NSD3: variants seen among roughly 807,000 people sequenced by gnomAD.
The protein encoded by NSD3 is nuclear receptor binding SET domain protein 3.
Under a neutral mutation model 160.8 loss-of-function variants are expected in NSD3, and 24 were observed. That is an observed-to-expected ratio of 0.15 (90% CI 0.11 to 0.21). NSD3 has a LOEUF of 0.21. Among genes scored for constraint, NSD3 ranks in the 10% least tolerant of loss-of-function variants. The pLI, the probability that NSD3 is intolerant of heterozygous loss-of-function variation, is 1.00. For synonymous variants in NSD3, 520 were observed against 600.0 expected (o/e 0.87, Z 1.95); for missense variants, 1,157 against 1,735.9 (o/e 0.67, Z 5.93).
At chr8:38,344,649 G>GAAC (rs879853587) in intron 2 of NSD3, among the ~76,000 whole-genome samples, 1 of 151,996 alleles carries the variant, frequency 6.6e-6, no homozygotes, top group Non-Finnish European at 1.5e-5. Flanking sequence ...AGCTTTTAAG[G>GAAC]AACAACAACA....
chr8:38,366,418 CTT>C lies in NSD3; in HGVS notation c.-45+15379_-45+15380del, dbSNP rs374656504. On this transcript the variant is annotated intron_variant, in intron 1 of 23. Transcript: ENST00000317025. ...CAATTATGTTCACATCTACTTAATT[CTT>C]TTTTTTTTTTTTTTGAGATAGAGTC... is the stretch of plus-strand genomic sequence containing the variant. Among the ~76,000 whole-genome samples, 77 of 132,068 alleles carry C rather than the reference CTT, an allele frequency of 5.8e-4. 2 individuals carry two copies. Among genetic ancestry groups the C allele is most frequent in the Middle Eastern group, 4.0e-3 (1 of 250 alleles). 86.6% of individuals were successfully genotyped at this position (132,068 alleles called of 152,430 possible).
rs1334749879 is a variant in NSD3 at position 38,270,939 on chromosome 8, T to C, written c.*4702A>G. The stretch of plus-strand genomic sequence containing the variant: ...AACAAAACAAAAAACAGAAATGTTT[T>C]TTGAAAGACACGGATTACCCACATT... On this transcript the variant is annotated 3_prime_UTR_variant, in exon 24 of 24. Transcript: ENST00000317025. 6.6e-6 allele frequency: 1 copy of C among 152,246 alleles called. No homozygotes were observed. Among genetic ancestry groups the C allele is most frequent in the Non-Finnish European group, 1.5e-5 (1 of 68,040 alleles). The allele number at this position is 152,246 out of a possible 1,614,324, so 9.4% of individuals were successfully genotyped here. A position where few individuals can be genotyped will look rare whatever the true frequency, so the allele number is the denominator to read the frequency against.
intron 1 of NSD3, among the ~76,000 whole-genome samples, chr8:38,378,841 A>T (rs1811468339): frequency 6.6e-6 from 1 of 151,976 alleles, no homozygotes; most frequent in East Asian, 1.9e-4. Context: ...AAAAAAAAAA[A>T]AAAGTACTAA....
intron 22 of NSD3, among the ~76,000 whole-genome samples, 174 bp downstream of exon 22, chr8:38,278,132 G>A (rs1808650543): frequency 6.6e-6 from 1 of 151,964 alleles, no homozygotes; most frequent in Non-Finnish European, 1.5e-5. Flanking sequence ...TAGAGATGGG[G>A]TTTCACCGTG....
rs1314348398 is a variant in NSD3, at chr8:38,319,908, C to A, written c.1810-968G>T. 6.6e-6 allele frequency: 1 copy of A among 152,090 alleles called. No homozygotes were observed. Among genetic ancestry groups the A allele is most frequent in the Non-Finnish European group, 1.5e-5 (1 of 67,994 alleles). 9.4% of individuals were successfully genotyped at this position (152,090 alleles called of 1,614,324 possible). On this transcript the variant is annotated intron_variant, in intron 8 of 23. Coordinates refer to ENST00000317025, the MANE Select transcript of NSD3 (RefSeq NM_023034.2). The surrounding 1 kb of genome is among the most constrained non-coding windows in gnomAD (Gnocchi z 4.1). Reference sequence around the variant, plus strand: ...ACTAACTATAACACAGTGGCATTAACAATTTGTCCCACTTTTTATACTCAT... The same window carrying A: ...ACTAACTATAACACAGTGGCATTAAAAATTTGTCCCACTTTTTATACTCAT...
intron 2 of NSD3, among the ~76,000 whole-genome samples, chr8:38,344,846 A>G (rs1810473763): frequency 1.3e-5 from 2 of 152,156 alleles, no homozygotes; most frequent in Non-Finnish European, 2.9e-5. Flanking sequence ...GTTCTCTACA[A>G]TGCTAAACAC....
In NSD3 at chr8:38,378,233, T is replaced by C. The variant is rs534583276; in HGVS notation, c.-45+3566A>G. Among the ~76,000 whole-genome samples, 6 of 151,922 alleles carry C rather than the reference T, an allele frequency of 3.9e-5. No individual in the cohort carries two copies. In the South Asian group the frequency reaches 1.2e-3, roughly 32 times the overall value. On this transcript the variant is annotated intron_variant, in intron 1 of 23. Coordinates refer to ENST00000317025, the MANE Select transcript of NSD3 (RefSeq NM_023034.2). ...AAACAAACTCCATCTTGGCCGGGCG[T>C]GTTGGCTCATGCCTGTAATTCCAGC... is the stretch of plus-strand genomic sequence containing the variant.
intron 1 of NSD3, among the ~76,000 whole-genome samples, chr8:38,379,767 A>G (rs1563374706): frequency 6.6e-6 from 1 of 152,330 alleles, no homozygotes; most frequent in East Asian, 1.9e-4. Context: ...CCTTCTTGGT[A>G]TTAGAGAACA....
intron 21 of NSD3, 52 bp downstream of exon 21, chr8:38,279,488 G>A: frequency 6.2e-7 from 1 of 1,601,956 alleles, no homozygotes; most frequent in Middle Eastern, 1.7e-4. Flanking sequence ...AGCTCTATAG[G>A]ATATTCTTTC....
rs140270486 is a variant in NSD3 at position 38,273,911 on chromosome 8, T to C, written c.*1730A>G. 1 of 152,284 alleles carries C rather than the reference T, an allele frequency of 6.6e-6. No individual in the cohort carries two copies. Among genetic ancestry groups the C allele is most frequent in the Non-Finnish European group, 1.5e-5 (1 of 68,018 alleles). 9.4% of individuals were successfully genotyped at this position (152,284 alleles called of 1,614,324 possible). Reference sequence around the variant, plus strand: ...TCAGTAAAAGAATTGTAGTGTTTTTTACAAGAGAAAATCCAGTATAATTGC... The same window carrying C: ...TCAGTAAAAGAATTGTAGTGTTTTTCACAAGAGAAAATCCAGTATAATTGC... On this transcript the variant is annotated 3_prime_UTR_variant, in exon 24 of 24. Transcript: ENST00000317025.
chr8:38,363,651 A>G (rs1811040271), intron 1 of NSD3, among the ~76,000 whole-genome samples: 2 of 151,000 alleles, frequency 1.3e-5, no homozygotes, highest in South Asian at 4.1e-4. Context: ...AAAAAAAAAA[A>G]AAAAAAAAAA....
Position 38,316,601 on chromosome 8 carries a change from T to G in NSD3, c.1856-559A>C. 9.5e-7 allele frequency: 1 copy of G among 1,052,068 alleles called. No individual in the cohort carries two copies. The highest frequency in any genetic ancestry group is 1.1e-6 in the Non-Finnish European group (1 of 870,908). 65.2% of individuals were successfully genotyped at this position (1,052,068 alleles called of 1,614,324 possible). A position where few individuals can be genotyped will look rare whatever the true frequency, so the allele number is the denominator to read the frequency against. On this transcript the variant is annotated intron_variant, in intron 9 of 23. Transcript: ENST00000317025. The surrounding 1 kb of genome is among the most constrained non-coding windows in gnomAD (Gnocchi z 4.5). ...AATTGTTCATCTGAGACTTCCTTGG[T>G]GAAGTGGCATTTATTGTGACCATTA...
chr8:38,327,053 AT>A lies in NSD3; in HGVS notation c.1582-198del, dbSNP rs770565179. Among the ~76,000 whole-genome samples, 906 of 145,662 alleles carry A rather than the reference AT, an allele frequency of 6.2e-3. 8 individuals carry two copies. The highest frequency in any genetic ancestry group is 0.018 in the African/African-American group (715 of 39,984). ...ATACTTTTTTTAAAAATTAAAAACA[AT>A]TTTTTTTTTTTTTGAGAAGAAGTCT... On this transcript the variant is annotated intron_variant, in intron 6 of 23. Coordinates refer to ENST00000317025, the MANE Select transcript of NSD3 (RefSeq NM_023034.2).
intron 14 of NSD3, among the ~76,000 whole-genome samples, chr8:38,302,438 C>A (rs1184227312): frequency 6.6e-6 from 1 of 152,122 alleles, no homozygotes; most frequent in Non-Finnish European, 1.5e-5. Flanking sequence ...TTATGTTTAC[C>A]ATACAAAGTT....
rs867350629 is a variant in NSD3, at chr8:38,288,879, C to T, written c.3232-123G>A. The T allele has an allele frequency of 9.3e-5, 113 of 1,220,404 alleles. 1 individual carries two copies. In the African/African-American group the frequency reaches 1.4e-3, roughly 15 times the overall value. The allele number at this position is 1,220,404 out of a possible 1,614,324, so 75.6% of individuals were successfully genotyped here. On this transcript the variant is annotated intron_variant, in intron 18 of 23. Coordinates refer to ENST00000317025, the MANE Select transcript of NSD3 (RefSeq NM_023034.2). The surrounding 1 kb of genome is among the most constrained non-coding windows in gnomAD (Gnocchi z 4.5). ...GCTACTCCGAGAAAGGTTGTCTTTC[C>T]TGATGAATAAGCTGAGATTAATAAC...
chr8:38,310,688 T>C (rs951208890), intron 12 of NSD3, among the ~76,000 whole-genome samples: 1 of 151,940 alleles, frequency 6.6e-6, no homozygotes, highest in Non-Finnish European at 1.5e-5. Context: ...TTTTTTTTTT[T>C]TTTGGTAGAA....
At chr8:38,354,531 T>C (rs1003427293) in intron 1 of NSD3, among the ~76,000 whole-genome samples, 4 of 152,236 alleles carry the variant, frequency 2.6e-5, no homozygotes, top group African/African-American at 9.7e-5. Context: ...GTTCTCATTC[T>C]TAGGAGAGCT....
chr8:38,303,081 T>C, intron 14 of NSD3: 2 of 285,124 alleles, frequency 7.0e-6, no homozygotes, highest in Non-Finnish European at 1.1e-5. Context: ...AAATGCGGGC[T>C]AAATTATGCA....
chr8:38,377,419 G>T (rs1213546012), intron 1 of NSD3, among the ~76,000 whole-genome samples: 2 of 152,084 alleles, frequency 1.3e-5, no homozygotes, highest in Non-Finnish European at 1.5e-5. Context: ...CGCAATCTCA[G>T]CTTACTGCGG....
Sources: allele counts gnomAD v4.1 joint callset (sites outside exome capture counted in the v4.1 genomes callset), GRCh38; gene constraint gnomAD v4.1.1; non-coding constraint Gnocchi (gnomAD v3.1); transcripts MANE v1.5; gene names NCBI Gene and HGNC (gene_info 2026-07-23, HGNC 2026-07-21).